The following CLPB variants were observed in gnomAD, a reference collection of about 807,000 sequenced individuals.
CLPB encodes mitochondrial disaggregase.
CLPB carries 40 observed loss-of-function variants against 78.4 expected under a neutral mutation model. The observed-to-expected ratio is 0.51, with a 90% CI of 0.40 to 0.66. The LOEUF is 0.66. Among genes scored for constraint, CLPB ranks in the 30% least tolerant of loss-of-function variants. The pLI is 0.00. For missense variants in CLPB, 780 were observed against 886.9 expected, an observed-to-expected ratio of 0.88 and a Z score of 1.53; for synonymous variants, 333 against 348.0, an observed-to-expected ratio of 0.96 and a Z score of 0.48.
chr11:72,323,565 C>CAAAAAA (rs371241451), intron 6 of CLPB, among the ~76,000 whole-genome samples: 1 of 68,788 alleles, frequency 1.5e-5, no homozygotes, highest in African/African-American at 6.3e-5. Flanking sequence ...GACTCCATCT[C>CAAAAAA]AAAAAAAAAA....
At chr11:72,374,243 AAT>A (rs1213725133) in intron 4 of CLPB, among the ~76,000 whole-genome samples, 3 of 152,192 alleles carry the variant, frequency 2.0e-5, no homozygotes, top group Non-Finnish European at 4.4e-5. Flanking sequence ...CTGTGCTTTA[AAT>A]ATATATGATT....
At chr11:72,324,641 C>CA (rs1260085784) in intron 6 of CLPB, among the ~76,000 whole-genome samples, 4 of 152,158 alleles carry the variant, frequency 2.6e-5, no homozygotes, top group African/African-American at 9.6e-5. Flanking sequence ...AAGCACTTAG[C>CA]ACTGTATCTG....
At chr11:72,426,935 C>T (rs542499058) in intron 2 of CLPB, among the ~76,000 whole-genome samples, 10 of 152,334 alleles carry the variant, frequency 6.6e-5, no homozygotes, top group African/African-American at 2.4e-4. Flanking sequence ...CTAGATCACC[C>T]TCATACCCTC....
intron 2 of CLPB, among the ~76,000 whole-genome samples, chr11:72,403,664 C>T (rs918513742): frequency 3.3e-5 from 5 of 152,110 alleles, no homozygotes; most frequent in African/African-American, 1.2e-4. Context: ...AATTGAAAAT[C>T]CTTCAACTCA....
At chr11:72,362,365 AG>A (rs1272450341) in intron 4 of CLPB, among the ~76,000 whole-genome samples, 1 of 152,254 alleles carries the variant, frequency 6.6e-6, no homozygotes, top group Non-Finnish European at 1.5e-5. Flanking sequence ...CAATGAATAC[AG>A]GAAGTGTGAC....
Position 72,434,106 on chromosome 11 carries a change from C to A in CLPB, c.369G>T (p.Val123=), listed in dbSNP as rs759253376. 6.8e-6 allele frequency: 11 copies of A among 1,611,778 alleles called. No homozygotes were observed. In the Admixed American group the frequency reaches 1.7e-4, roughly 24 times the overall value. ...LGMCALAAAL[V]VHCYSKSPSN... is the part of the protein sequence containing the mutation. The stretch of plus-strand genomic sequence containing the variant: ...ACGGACTCTTGCTGTAGCAATGAAC[C>A]ACCAGCGCTGCGGCCAGGGCGCACA... Residue 123 remains valine (V), a synonymous_variant, in exon 1 of 16, where the codon GTG becomes GTT. Coordinates refer to ENST00000538039, the MANE Select transcript of CLPB (RefSeq NM_001258392.3).
intron 2 of CLPB, among the ~76,000 whole-genome samples, chr11:72,421,572 C>T (rs1856198917): frequency 6.6e-6 from 1 of 152,152 alleles, no homozygotes; most frequent in Non-Finnish European, 1.5e-5. Context: ...ACAGTGGAGG[C>T]CCCCGAGGAA....
At chr11:72,410,120 C>G (rs1307058044) in intron 2 of CLPB, among the ~76,000 whole-genome samples, 2 of 152,136 alleles carry the variant, frequency 1.3e-5, no homozygotes, top group Non-Finnish European at 2.9e-5. Context: ...ATCCAAGCTA[C>G]TCAGGAGGCT....
At chr11:72,372,840 A>T in intron 4 of CLPB, 2 of 1,243,922 alleles carry the variant, frequency 1.6e-6, no homozygotes, top group Non-Finnish European at 2.4e-6. Flanking sequence ...GTTAACTTAT[A>T]CTGAGTAAAA....
intron 1 of CLPB, among the ~76,000 whole-genome samples, chr11:72,431,362 A>C (rs1856540544): frequency 6.6e-6 from 1 of 152,114 alleles, no homozygotes; most frequent in Non-Finnish European, 1.5e-5. Flanking sequence ...CAAAAGACTC[A>C]CTCATGAGCA....
chr11:72,391,693 G>C lies in CLPB; in HGVS notation c.542+11273C>G, dbSNP rs754318275. Among the ~76,000 whole-genome samples, 79 of 152,320 alleles carry C rather than the reference G, an allele frequency of 5.2e-4. 1 individual carries two copies. The highest frequency in any genetic ancestry group is 6.5e-4 in the Admixed American group (10 of 15,302). On this transcript the variant is annotated intron_variant, in intron 3 of 15. Coordinates refer to ENST00000538039, the MANE Select transcript of CLPB (RefSeq NM_001258392.3). ...TGGTTTAGCTGTGGAAAACGTATAT[G>C]TTCCTCTCCTGAACAGTAGCTCCTT... is the stretch of plus-strand genomic sequence containing the variant.
rs1949435568 is a variant in CLPB at position 72,290,255 on chromosome 11, C to A, written c.*3112G>T. The A allele has an allele frequency of 6.6e-6, 1 of 152,190 alleles. No individual in the cohort carries two copies. Among genetic ancestry groups the A allele is most frequent in the African/African-American group, 2.4e-5 (1 of 41,434 alleles). The allele number at this position is 152,190 out of a possible 1,614,324, so 9.4% of individuals were successfully genotyped here. The stretch of plus-strand genomic sequence containing the variant: ...AACACAGTGCCAACTTCAATGAGTT[C>A]TCACTGGCCAAATCTGAGCCAATTT... On this transcript the variant is annotated 3_prime_UTR_variant, in exon 16 of 16. Coordinates refer to ENST00000538039, the MANE Select transcript of CLPB (RefSeq NM_001258392.3).
At chr11:72,429,778 G>A (rs1250420051) in intron 2 of CLPB, among the ~76,000 whole-genome samples, 1 of 152,222 alleles carries the variant, frequency 6.6e-6, no homozygotes, top group South Asian at 2.1e-4. Context: ...ACCTGCCAGT[G>A]GTCACTGGAG....
At chr11:72,372,927 C>G (rs747281194) in intron 4 of CLPB, 5 of 1,613,670 alleles carry the variant, frequency 3.1e-6, no homozygotes, top group Non-Finnish European at 3.4e-6. Flanking sequence ...TCCATTACCG[C>G]CAGCGGGGAG....
chr11:72,379,583 G>C (rs188827261), intron 4 of CLPB, among the ~76,000 whole-genome samples: 276 of 152,144 alleles, frequency 1.8e-3, no homozygotes, highest in Admixed American at 3.7e-3. Flanking sequence ...CAATCCCCAA[G>C]ACTCATCCCA....
intron 4 of CLPB, among the ~76,000 whole-genome samples, chr11:72,378,075 A>T (rs1405139354): frequency 6.6e-6 from 1 of 152,226 alleles, no homozygotes; most frequent in Non-Finnish European, 1.5e-5. Context: ...ATGAATGTAC[A>T]TTGTGGAGAT....
intron 10 of CLPB, 61 bp downstream of exon 10, chr11:72,302,243 C>G (rs1413183766): frequency 6.5e-7 from 1 of 1,536,312 alleles, no homozygotes; most frequent in Non-Finnish European, 9.0e-7. Context: ...TGACAAGACC[C>G]CGGCAGTCAT....
intron 2 of CLPB, among the ~76,000 whole-genome samples, chr11:72,406,946 T>C (rs936925883): frequency 3.3e-5 from 5 of 152,194 alleles, no homozygotes; most frequent in Non-Finnish European, 2.9e-5. Flanking sequence ...TTACAACTTT[T>C]TTCACAGAAA....
chr11:72,413,539 A>G (rs1456309164), intron 2 of CLPB, among the ~76,000 whole-genome samples: 1 of 152,190 alleles, frequency 6.6e-6, no homozygotes, highest in Non-Finnish European at 1.5e-5. Flanking sequence ...TAATGATGAT[A>G]AAATTCAGAA....
Sources: gnomAD v4.1 joint callset for allele counts (sites outside exome capture counted in the v4.1 genomes callset) on GRCh38, gnomAD v4.1.1 for gene constraint, MANE v1.5 for transcripts, NCBI Gene and HGNC (gene_info 2026-07-23, HGNC 2026-07-21) for gene names.